The following PLXDC2 variants were observed in gnomAD, a reference collection of about 807,000 sequenced individuals.
PLXDC2 encodes the protein plexin domain-containing protein 2.
PLXDC2 carries 40 observed loss-of-function variants against 68.9 expected under a neutral mutation model. The observed-to-expected ratio is 0.58, with a 90% CI of 0.45 to 0.76. The LOEUF (loss-of-function observed/expected upper bound fraction) is 0.76, where lower values mean the gene tolerates loss of function less well. Ranked by LOEUF, PLXDC2 falls within the 30% of genes least tolerant of loss-of-function variation. PLXDC2 has a pLI of 0.00. For missense variants in PLXDC2, 644 were observed against 661.9 expected (o/e 0.97, Z 0.30); for synonymous variants, 243 against 234.2 (o/e 1.04, Z -0.34).
chr10:19,860,568 C>G (rs1395804415), intron 1 of PLXDC2, among the ~76,000 whole-genome samples: 1 of 152,202 alleles, frequency 6.6e-6, no homozygotes, highest in Non-Finnish European at 1.5e-5. Context: ...GCACCCTTTT[C>G]TCTACTCGAG....
At chr10:19,882,916 G>C (rs1262449858) in intron 1 of PLXDC2, among the ~76,000 whole-genome samples, 2 of 149,080 alleles carry the variant, frequency 1.3e-5, no homozygotes, top group Non-Finnish European at 3.0e-5. Flanking sequence ...ACACTACCAA[G>C]GAAAATTTGG....
intron 1 of PLXDC2, among the ~76,000 whole-genome samples, chr10:19,848,742 T>C (rs1017476052): frequency 1.3e-5 from 2 of 152,206 alleles, no homozygotes; most frequent in African/African-American, 4.8e-5. Context: ...GTGGCTGTGT[T>C]GTACCCACAG....
At chr10:20,220,325 G>T (rs1005648487) in intron 12 of PLXDC2, among the ~76,000 whole-genome samples, 3 of 152,152 alleles carry the variant, frequency 2.0e-5, no homozygotes, top group Non-Finnish European at 4.4e-5. Context: ...TAAGCCCTAT[G>T]TTGGGGTTAC....
At chr10:20,131,195 T>A (rs948511493) in intron 4 of PLXDC2, among the ~76,000 whole-genome samples, 1 of 151,694 alleles carries the variant, frequency 6.6e-6, no homozygotes, top group South Asian at 2.1e-4. Context: ...TCTATTCTGT[T>A]TTTTGTTCTG....
intron 2 of PLXDC2, among the ~76,000 whole-genome samples, chr10:20,005,734 C>G (rs1835016540): frequency 6.6e-6 from 1 of 152,100 alleles, no homozygotes; most frequent in African/African-American, 2.4e-5. Context: ...CACTCATCAC[C>G]AAGGGAATGG....
chr10:20,270,704 C>A (rs1368529667), intron 13 of PLXDC2, among the ~76,000 whole-genome samples: 1 of 151,944 alleles, frequency 6.6e-6, no homozygotes, highest in Non-Finnish European at 1.5e-5. Context: ...GCCACCACAC[C>A]CTGCTAATTT....
chr10:19,886,663 A>G (rs558402458), intron 1 of PLXDC2, among the ~76,000 whole-genome samples: 2 of 152,324 alleles, frequency 1.3e-5, no homozygotes, highest in African/African-American at 4.8e-5. Context: ...CCCACAGCCA[A>G]TATCATACTG....
At chr10:20,108,181 C>A (rs1289671622) in intron 4 of PLXDC2, among the ~76,000 whole-genome samples, 1 of 152,156 alleles carries the variant, frequency 6.6e-6, no homozygotes, top group Non-Finnish European at 1.5e-5. Flanking sequence ...GTGACTGTTT[C>A]TTGATCCTTT....
intron 1 of PLXDC2, among the ~76,000 whole-genome samples, chr10:19,820,558 C>T (rs1836445684): frequency 6.7e-6 from 1 of 149,312 alleles, no homozygotes; most frequent in African/African-American, 2.5e-5. Flanking sequence ...GGCGGGAACC[C>T]GGGAAGCGGA....
chr10:19,988,894 C>T (rs1280365089), intron 1 of PLXDC2, among the ~76,000 whole-genome samples: 1 of 141,270 alleles, frequency 7.1e-6, no homozygotes, highest in Non-Finnish European at 1.5e-5. Context: ...CTCCCCCGTT[C>T]AGGAGATTCT....
chr10:20,025,649 A>C (rs1025144447), intron 2 of PLXDC2, among the ~76,000 whole-genome samples: 1 of 152,030 alleles, frequency 6.6e-6, no homozygotes, highest in Non-Finnish European at 1.5e-5. Context: ...ATTAGTGGTG[A>C]TAATCTTTTT....
chr10:20,101,950 C>A (rs1442774208), intron 4 of PLXDC2, among the ~76,000 whole-genome samples: 3 of 151,916 alleles, frequency 2.0e-5, no homozygotes, highest in African/African-American at 7.3e-5. Context: ...GCCCCCCGAC[C>A]CCCACCATGC....
chr10:20,093,669 A>G (rs1833310697), intron 4 of PLXDC2, among the ~76,000 whole-genome samples: 3 of 152,178 alleles, frequency 2.0e-5, no homozygotes, highest in Admixed American at 1.3e-4. Flanking sequence ...AAACCAGTTT[A>G]TCTTGTATTT....
In PLXDC2 at chr10:19,932,165, C is replaced by G. The variant is rs531081542; in HGVS notation, c.113-69610C>G. ...ATGACATAGTGTTCGCTATTTTTGT[C>G]GAAATGTTGACAAAGTACCAGAAAC... On this transcript the variant is annotated intron_variant, in intron 1 of 13. Transcript: ENST00000377252. Among the ~76,000 whole-genome samples, 131 of 152,260 alleles carry G rather than the reference C, an allele frequency of 8.6e-4. 1 individual carries two copies. The highest frequency in any genetic ancestry group is 1.7e-3 in the Non-Finnish European group (115 of 68,020).
At chr10:19,942,547 G>C (rs1330063306) in intron 1 of PLXDC2, among the ~76,000 whole-genome samples, 5 of 152,162 alleles carry the variant, frequency 3.3e-5, no homozygotes, top group Non-Finnish European at 7.3e-5. Context: ...TGGATCACTT[G>C]AGGTCAGGAG....
At chr10:20,131,341 A>C (rs1463684033) in intron 4 of PLXDC2, among the ~76,000 whole-genome samples, 2 of 151,920 alleles carry the variant, frequency 1.3e-5, no homozygotes, top group African/African-American at 4.8e-5. Context: ...TTTTTATAGT[A>C]GTTTCTTCTG....
At chr10:19,848,607 A>G (rs1055419711) in intron 1 of PLXDC2, among the ~76,000 whole-genome samples, 2 of 152,254 alleles carry the variant, frequency 1.3e-5, no homozygotes, top group African/African-American at 2.4e-5. Flanking sequence ...TACCAAAAGT[A>G]CCAAAAGAAG....
intron 4 of PLXDC2, among the ~76,000 whole-genome samples, chr10:20,097,737 G>A (rs372355852): frequency 5.9e-5 from 9 of 152,054 alleles, no homozygotes; most frequent in Admixed American, 2.0e-4. Context: ...TGTGGACCAC[G>A]GGAAGATATG....
chr10:20,046,021 A>G (rs1383194497), intron 2 of PLXDC2, among the ~76,000 whole-genome samples: 5 of 152,168 alleles, frequency 3.3e-5, no homozygotes, highest in African/African-American at 9.7e-5. Flanking sequence ...GAGAATTCAA[A>G]TAAAAGTAGA....
Sources: allele counts gnomAD v4.1 joint callset (sites outside exome capture counted in the v4.1 genomes callset), GRCh38; gene constraint gnomAD v4.1.1; transcripts MANE v1.5; gene names NCBI Gene and HGNC (gene_info 2026-07-23, HGNC 2026-07-21).